NUP210: variants seen among roughly 807,000 people sequenced by gnomAD.
The protein encoded by NUP210 is nucleoporin 210, also known as nuclear pore membrane glycoprotein 210.
In NUP210, 151 loss-of-function variants were observed where a neutral mutation model predicts 196.0. That is an observed-to-expected ratio of 0.77 (90% CI 0.67 to 0.88). The LOEUF (loss-of-function observed/expected upper bound fraction) is 0.88, where lower values mean the gene tolerates loss of function less well. Ranked by LOEUF, NUP210 falls within the 40% of genes least tolerant of loss-of-function variation. The probability of loss-of-function intolerance (pLI) is 0.00; values close to 1 mark genes in which losing one functional copy is unlikely to be tolerated. For synonymous variants in NUP210, 1,070 were observed against 1,052.7 expected (o/e 1.02, Z -0.32); for missense variants, 2,314 against 2,493.7 (o/e 0.93, Z 1.53).
At chr3:13,361,706 A>G (rs1238948472) in intron 14 of NUP210, among the ~76,000 whole-genome samples, 3 of 152,072 alleles carry the variant, frequency 2.0e-5, no homozygotes, top group African/African-American at 4.8e-5. Context: ...ACAGCTGCCC[A>G]TGTGTCCCTC....
intron 18 of NUP210, among the ~76,000 whole-genome samples, chr3:13,353,095 T>C (rs1210447081): frequency 6.6e-6 from 1 of 152,112 alleles, no homozygotes; most frequent in Non-Finnish European, 1.5e-5. Context: ...GCCCCTTCAG[T>C]GACCCCCTCC....
Position 13,366,123 on chromosome 3 carries a change from T to C in NUP210, c.1787-32A>G, listed in dbSNP as rs760094678. On this transcript the variant is annotated intron_variant, in intron 13 of 39. Transcript: ENST00000254508. ...AAAGGAGAGAACTAGATGGTCACCC[T>C]GAAATCACTTTTTTCTTTTTTTTGA... The C allele has an allele frequency of 3.1e-6, 5 of 1,597,380 alleles. No homozygotes were observed. The African/African-American group carries it at 6.7e-5, about 22-fold the overall frequency.
At chr3:13,398,338 G>A (rs183245181) in intron 2 of NUP210, among the ~76,000 whole-genome samples, 82 of 152,250 alleles carry the variant, frequency 5.4e-4, no homozygotes, top group Middle Eastern at 3.5e-3. Flanking sequence ...AGCTACTTGG[G>A]AGGCTGAGGC....
At position 13,401,342 on chromosome 3, in the gene NUP210, TC is replaced by T. The variant is rs1699833721; in HGVS notation, c.168-1482del. On this transcript the variant is annotated intron_variant, in intron 1 of 39. Coordinates refer to ENST00000254508, the MANE Select transcript of NUP210 (RefSeq NM_024923.4). ...CCTTCTGGCTGGATGCCAAGTGTCT[TC>T]CCTGGGCCAAGCCAGCACAAGGCCC... Among the ~76,000 whole-genome samples the T allele has an allele frequency of 4.7e-5, 7 of 149,612 alleles. No individual in the cohort carries two copies. In the South Asian group the frequency reaches 1.5e-3, roughly 32 times the overall value.
intron 1 of NUP210, among the ~76,000 whole-genome samples, chr3:13,400,373 A>G (rs1174423699): frequency 2.0e-5 from 3 of 152,110 alleles, no homozygotes; most frequent in African/African-American, 7.2e-5. Context: ...AAACACAACC[A>G]TGAGCTCCCA....
At chr3:13,400,555 T>C (rs1001821212) in intron 1 of NUP210, among the ~76,000 whole-genome samples, 2 of 152,172 alleles carry the variant, frequency 1.3e-5, no homozygotes, top group Non-Finnish European at 2.9e-5. Flanking sequence ...TTCTCATCCA[T>C]GGCCCAGGAT....
chr3:13,418,854 C>T (rs1245785493), intron 1 of NUP210, among the ~76,000 whole-genome samples: 5 of 141,240 alleles, frequency 3.5e-5, no homozygotes, highest in African/African-American at 5.2e-5. Flanking sequence ...AGCTACGAGG[C>T]GGGAGAATCG....
chr3:13,403,836 C>CA (rs1162509039), intron 1 of NUP210, among the ~76,000 whole-genome samples: 1 of 152,196 alleles, frequency 6.6e-6, no homozygotes, highest in Non-Finnish European at 1.5e-5. Flanking sequence ...CTTCAGGCCC[C>CA]AGGGCCTGGG....
At chr3:13,417,434 C>G (rs1700383139) in intron 1 of NUP210, among the ~76,000 whole-genome samples, 1 of 152,152 alleles carries the variant, frequency 6.6e-6, no homozygotes, top group Non-Finnish European at 1.5e-5. Context: ...GCAAATGTTC[C>G]CACAGGGTCT....
chr3:13,320,009 C>T (rs758718234), intron 36 of NUP210, 30 bp from the exon 37 acceptor site: 4 of 1,602,332 alleles, frequency 2.5e-6, no homozygotes, highest in East Asian at 2.2e-5. Context: ...TGGGGGTGCA[C>T]ATTCTGCAGA....
At chr3:13,395,760 T>G (rs1020751933) in intron 3 of NUP210, among the ~76,000 whole-genome samples, 2 of 152,230 alleles carry the variant, frequency 1.3e-5, no homozygotes, top group African/African-American at 4.8e-5. Context: ...CATTCACATG[T>G]GAACATGTGT....
intron 1 of NUP210, among the ~76,000 whole-genome samples, chr3:13,410,917 C>CAA (rs35395985): frequency 0.46 from 34,733 of 75,768 alleles, 6,399 homozygotes; most frequent in Middle Eastern, 0.58. Context: ...GACTCTGTCT[C>CAA]AAAAAAAAAA....
At position 13,379,094 on chromosome 3, in the gene NUP210, G is replaced by T. The variant is rs1402113065; in HGVS notation, c.977-114C>A. The T allele has an allele frequency of 4.3e-6, 4 of 931,480 alleles. No individual in the cohort carries two copies. Among genetic ancestry groups the T allele is most frequent in the African/African-American group, 3.2e-5 (2 of 61,834 alleles). 57.7% of individuals were successfully genotyped at this position (931,480 alleles called of 1,614,324 possible). On this transcript the variant is annotated intron_variant, in intron 7 of 39. Transcript: ENST00000254508. The surrounding 1 kb of genome is among the most constrained non-coding windows in gnomAD (Gnocchi z 4.2). ...AAGACATCACATGGAGAGAAGAAGA[G>T]GGGATGAAAACTCCCCTGGCTTAGG... is the stretch of plus-strand genomic sequence containing the variant.
intron 39 of NUP210, 147 bp from the exon 40 acceptor site, chr3:13,317,928 T>G: frequency 1.6e-6 from 1 of 616,770 alleles, no homozygotes; most frequent in Middle Eastern, 3.4e-4. Flanking sequence ...CAGAGGGAAG[T>G]CCACGGGCAC....
chr3:13,382,187 C>T (rs182272818), intron 6 of NUP210, among the ~76,000 whole-genome samples: 2 of 152,342 alleles, frequency 1.3e-5, no homozygotes, highest in East Asian at 3.9e-4. Context: ...CCAGCATGCC[C>T]TTCCCACATT....
intron 15 of NUP210, 54 bp from the exon 16 acceptor site, chr3:13,358,449 C>G: frequency 6.6e-7 from 1 of 1,520,842 alleles, no homozygotes; most frequent in East Asian, 2.3e-5. Flanking sequence ...TCACTCCTCT[C>G]TGAGCTATGC....
intron 28 of NUP210, among the ~76,000 whole-genome samples, chr3:13,333,552 T>C (rs2623480): frequency 6.6e-6 from 1 of 152,226 alleles, no homozygotes; most frequent in African/African-American, 2.4e-5. Flanking sequence ...TGTAACATGG[T>C]CCACAACTAA....
chr3:13,412,543 G>A (rs1700212212), intron 1 of NUP210, among the ~76,000 whole-genome samples: 1 of 151,820 alleles, frequency 6.6e-6, no homozygotes, highest in Non-Finnish European at 1.5e-5. Context: ...GCGAAATCCC[G>A]TTTCTACTAA....
intron 1 of NUP210, among the ~76,000 whole-genome samples, chr3:13,414,396 G>A (rs982273526): frequency 6.6e-6 from 1 of 152,232 alleles, no homozygotes; most frequent in Non-Finnish European, 1.5e-5. Flanking sequence ...CCTGCTGCGG[G>A]CCTGGTGAAG....
Sources: gnomAD v4.1 joint callset for allele counts (sites outside exome capture counted in the v4.1 genomes callset) on GRCh38, gnomAD v4.1.1 for gene constraint, Gnocchi (gnomAD v3.1) non-coding constraint, MANE v1.5 for transcripts, NCBI Gene and HGNC (gene_info 2026-07-23, HGNC 2026-07-21) for gene names.